The following HOMER1 variants were observed in gnomAD, a reference collection of about 807,000 sequenced individuals.
HOMER1 encodes the protein homer scaffold protein 1.
In HOMER1, 3 loss-of-function variants were observed where a neutral mutation model predicts 48.9. The observed-to-expected ratio is 0.06, with a 90% CI of 0.03 to 0.16. The LOEUF is 0.16. Ranked by LOEUF, HOMER1 falls within the 10% of genes least tolerant of loss-of-function variation. The pLI, the probability that HOMER1 is intolerant of heterozygous loss-of-function variation, is 1.00. For synonymous variants in HOMER1, 134 were observed against 146.4 expected (o/e 0.92, Z 0.61); for missense variants, 247 against 411.4 (o/e 0.60, Z 3.46).
chr5:79,379,119 A>T (rs1165471283), intron 8 of HOMER1, among the ~76,000 whole-genome samples: 1 of 93,586 alleles, frequency 1.1e-5, no homozygotes, highest in African/African-American at 4.8e-5. Flanking sequence ...TATATAAAAT[A>T]TATAAATATT....
At chr5:79,381,454 A>C (rs1274135018) in intron 8 of HOMER1, among the ~76,000 whole-genome samples, 1 of 152,224 alleles carries the variant, frequency 6.6e-6, no homozygotes, top group African/African-American at 2.4e-5. Flanking sequence ...GAACGCAATG[A>C]AATGTAACAC....
intron 1 of HOMER1, among the ~76,000 whole-genome samples, chr5:79,465,581 C>CTTTTTT (rs1195158421): frequency 1.1e-5 from 1 of 90,408 alleles, no homozygotes; most frequent in African/African-American, 5.0e-5. Flanking sequence ...GTTTACATTT[C>CTTTTTT]TTCTTTTTTT....
intron 1 of HOMER1, among the ~76,000 whole-genome samples, chr5:79,481,388 C>A (rs1037361057): frequency 1.3e-5 from 2 of 152,196 alleles, no homozygotes; most frequent in African/African-American, 2.4e-5. Flanking sequence ...CAGGAAACAA[C>A]CTTGCTCTAC....
chr5:79,480,103 A>G (rs1454968805), intron 1 of HOMER1, among the ~76,000 whole-genome samples: 5 of 152,198 alleles, frequency 3.3e-5, no homozygotes, highest in African/African-American at 1.2e-4. Flanking sequence ...ATTTAGAAAT[A>G]ACACTGTTTC....
At chr5:79,438,893 AAAG>A in intron 5 of HOMER1, 114 bp downstream of exon 5, 1 of 781,630 alleles carries the variant, frequency 1.3e-6, no homozygotes, top group Non-Finnish European at 2.0e-6. Context: ...AAAAAAAAAA[AAAG>A]TCAAAGTCAA....
chr5:79,392,956 A>G (rs1377928425), intron 8 of HOMER1, among the ~76,000 whole-genome samples: 18 of 13,708 alleles, frequency 1.3e-3, no homozygotes, highest in African/African-American at 2.7e-3. Context: ...AGGGAAAGGG[A>G]GAGAGAGAGA....
At chr5:79,409,706 C>T (rs951817186) in intron 5 of HOMER1, among the ~76,000 whole-genome samples, 2 of 152,032 alleles carry the variant, frequency 1.3e-5, no homozygotes, top group African/African-American at 4.8e-5. Context: ...TAAAAATGAG[C>T]AAAGAACTTG....
intron 2 of HOMER1, among the ~76,000 whole-genome samples, chr5:79,453,378 C>A (rs1183726045): frequency 1.3e-5 from 2 of 152,050 alleles, no homozygotes; most frequent in African/African-American, 4.8e-5. Flanking sequence ...GTCACTAAGC[C>A]CCCTCATTTT....
chr5:79,415,999 A>G (rs960415657), intron 5 of HOMER1, among the ~76,000 whole-genome samples: 13 of 152,202 alleles, frequency 8.5e-5, no homozygotes, highest in African/African-American at 3.1e-4. Flanking sequence ...GCCTATGTAA[A>G]TGTACTCTTG....
chr5:79,376,406 C>G (rs2112179945), intron 8 of HOMER1, among the ~76,000 whole-genome samples: 1 of 152,236 alleles, frequency 6.6e-6, no homozygotes, highest in South Asian at 2.1e-4. Flanking sequence ...GGTTATCAAT[C>G]TATCTAACCA....
At chr5:79,471,093 T>G (rs187773240) in intron 1 of HOMER1, among the ~76,000 whole-genome samples, 1 of 152,080 alleles carries the variant, frequency 6.6e-6, no homozygotes, top group African/African-American at 2.4e-5. Flanking sequence ...AAAATGCAGA[T>G]GGCTGTTAAA....
At chr5:79,452,171 T>A (rs1445350698) in intron 2 of HOMER1, among the ~76,000 whole-genome samples, 2 of 152,218 alleles carry the variant, frequency 1.3e-5, no homozygotes, top group Non-Finnish European at 2.9e-5. Context: ...CACGTATAAG[T>A]GAACCTGCAT....
intron 8 of HOMER1, among the ~76,000 whole-genome samples, chr5:79,385,893 G>A (rs562827496): frequency 1.4e-5 from 2 of 146,190 alleles, no homozygotes; most frequent in South Asian, 4.5e-4. Context: ...CAATTACAAT[G>A]GCTATTATCA....
In HOMER1 at chr5:79,429,976, T is replaced by C. The variant is rs778147257; in HGVS notation, c.527+9034A>G. ...CCGCAGAGCTTGCAGTGAGCCGAGA[T>C]TGAGCCACTGCACTCCAGCCTGGGG... On this transcript the variant is annotated intron_variant, in intron 5 of 8. Coordinates refer to ENST00000334082, the MANE Select transcript of HOMER1 (RefSeq NM_004272.5). Among the ~76,000 whole-genome samples, 24 of 151,044 alleles carry C rather than the reference T, an allele frequency of 1.6e-4. 1 individual carries two copies. The highest frequency in any genetic ancestry group is 2.5e-4 in the Non-Finnish European group (17 of 67,924).
chr5:79,502,927 A>T (rs540667921), intron 1 of HOMER1, among the ~76,000 whole-genome samples: 1 of 152,202 alleles, frequency 6.6e-6, no homozygotes, highest in South Asian at 2.1e-4. Flanking sequence ...AGTAGCTGTG[A>T]CTACAGGCGC....
chr5:79,402,386 C>T (rs994524939), intron 5 of HOMER1, among the ~76,000 whole-genome samples: 5 of 152,072 alleles, frequency 3.3e-5, no homozygotes, highest in Admixed American at 3.3e-4. Context: ...CCAGGCTGGT[C>T]TTGAACTCCT....
intron 1 of HOMER1, among the ~76,000 whole-genome samples, chr5:79,487,565 A>C (rs1425113360): frequency 6.6e-6 from 1 of 152,186 alleles, no homozygotes; most frequent in Non-Finnish European, 1.5e-5. Flanking sequence ...CTGCCAAATA[A>C]AGATTGTGAA....
At chr5:79,414,566 A>AG (rs1451230217) in intron 5 of HOMER1, among the ~76,000 whole-genome samples, 2 of 151,842 alleles carry the variant, frequency 1.3e-5, no homozygotes, top group East Asian at 3.9e-4. Context: ...TTTTGTAGCG[A>AG]GGGGGTCTTG....
chr5:79,511,335 T>G (rs2112389294), intron 1 of HOMER1, among the ~76,000 whole-genome samples: 1 of 152,392 alleles, frequency 6.6e-6, no homozygotes, highest in African/African-American at 2.4e-5. Flanking sequence ...GCGCTTAAAC[T>G]GCTTAGAGTG....
Sources: gnomAD v4.1 joint callset for allele counts (sites outside exome capture counted in the v4.1 genomes callset) on GRCh38, gnomAD v4.1.1 for gene constraint, MANE v1.5 for transcripts, NCBI Gene and HGNC (gene_info 2026-07-23, HGNC 2026-07-21) for gene names.